Variants in IL16 observed in about 807,000 individuals in gnomAD.
The protein encoded by IL16 is pro-interleukin-16.
IL16 carries 67 observed loss-of-function variants against 110.1 expected under a neutral mutation model. The ratio of observed to expected loss-of-function variants is 0.61; its 90% CI spans 0.50 to 0.75. IL16 has a LOEUF of 0.75. Among genes scored for constraint, IL16 ranks in the 30% least tolerant of loss-of-function variants. The probability of loss-of-function intolerance (pLI) is 0.00; values close to 1 mark genes in which losing one functional copy is unlikely to be tolerated. For synonymous variants in IL16, 689 were observed against 662.9 expected, an observed-to-expected ratio of 1.04 and a Z score of -0.61; for missense variants, 1,545 against 1,655.0, an observed-to-expected ratio of 0.93 and a Z score of 1.15.
intron 1 of IL16, among the ~76,000 whole-genome samples, chr15:81,222,407 CT>C (rs1185195282): frequency 1.2e-4 from 18 of 144,552 alleles, no homozygotes; most frequent in African/African-American, 4.3e-4. Context: ...AAAAGAAAGT[CT>C]TTTGGTTTGC....
Position 81,292,957 on chromosome 15 carries a change from G to T in IL16, c.1822G>T (p.Asp608Tyr). 1.9e-6 allele frequency: 3 copies of T among 1,614,126 alleles called. No homozygotes were observed. The highest frequency in any genetic ancestry group is 2.5e-6 in the Non-Finnish European group (3 of 1,180,032). The change falls in exon 12 of 19, where the codon GAC becomes TAC. Residue 608 changes from aspartate to tyrosine, a missense_variant. By Grantham distance (160) the Asp-to-Tyr change is radical (BLOSUM62 -3). Coordinates refer to ENST00000683961, the MANE Select transcript of IL16 (RefSeq NM_172217.5). ...KPPPRKYFKS[D>Y]SDPQKSLEER... ...TCCACCCAGAAAATACTTTAAAAGT[G>T]ACAGTGACCCTCAGAAGAGTCTGGA...
intron 3 of IL16, among the ~76,000 whole-genome samples, chr15:81,262,259 G>A (rs865896695): frequency 5.3e-5 from 8 of 152,046 alleles, no homozygotes; most frequent in South Asian, 4.2e-4. Flanking sequence ...TCTCCAGTTC[G>A]TTGCTTTTAT....
intron 2 of IL16, among the ~76,000 whole-genome samples, chr15:81,258,382 A>C (rs766528277): frequency 7.2e-4 from 109 of 152,200 alleles, no homozygotes; most frequent in Non-Finnish European, 1.8e-4. Flanking sequence ...TATTTTCTAA[A>C]TTATTAGTAT....
chr15:81,251,594 A>T (rs1897771346), intron 2 of IL16, among the ~76,000 whole-genome samples: 1 of 152,196 alleles, frequency 6.6e-6, no homozygotes, highest in African/African-American at 2.4e-5. Flanking sequence ...TTGTCCAGTT[A>T]GTTTCTATAA....
Position 81,303,523 on chromosome 15 carries a change from T to G in IL16, c.3319-26T>G. ...GTTCATCCTCTTGCAGTAAAATGTTTTTGAATGTATGTATTTCCTCTGCAG... is the reference window on the plus strand; with the variant it reads ...GTTCATCCTCTTGCAGTAAAATGTTGTTGAATGTATGTATTTCCTCTGCAG... On this transcript the variant is annotated intron_variant, in intron 15 of 18. Transcript: ENST00000683961. The surrounding 1 kb of genome is among the most constrained non-coding windows in gnomAD (Gnocchi z 4.1). 2.7e-6 allele frequency: 4 copies of G among 1,459,170 alleles called. No individual in the cohort carries two copies. The highest frequency in any genetic ancestry group is 3.9e-6 in the Non-Finnish European group (4 of 1,038,858). The allele number at this position is 1,459,170 out of a possible 1,614,324, so 90.4% of individuals were successfully genotyped here. A position where few individuals can be genotyped will look rare whatever the true frequency, so the allele number is the denominator to read the frequency against.
At chr15:81,272,977 T>C in intron 5 of IL16, 113 bp from the exon 6 acceptor site, 1 of 722,110 alleles carries the variant, frequency 1.4e-6, no homozygotes, top group Non-Finnish European at 2.4e-6. Context: ...AAAGGCACCT[T>C]CTCTCCTTCC....
At chr15:81,246,853 T>C (rs995785671) in intron 2 of IL16, among the ~76,000 whole-genome samples, 4 of 152,152 alleles carry the variant, frequency 2.6e-5, no homozygotes, top group Non-Finnish European at 4.4e-5. Flanking sequence ...AAAACCACTC[T>C]GTTTCTTTAA....
chr15:81,247,093 T>TTTTTTTTTTTTTTTG (rs1897587717), intron 2 of IL16, among the ~76,000 whole-genome samples: 1 of 148,600 alleles, frequency 6.7e-6, no homozygotes, highest in Non-Finnish European at 1.5e-5. Flanking sequence ...TTTTTTTTTT[T>TTTTTTTTTTTTTTTG]TTTGATCTTG....
intron 1 of IL16, among the ~76,000 whole-genome samples, chr15:81,207,258 A>C (rs1018033461): frequency 2.6e-5 from 4 of 151,134 alleles, no homozygotes; most frequent in Non-Finnish European, 4.4e-5. Context: ...AAAAAAAAAA[A>C]AAACAAAAAA....
intron 16 of IL16, among the ~76,000 whole-genome samples, chr15:81,304,459 G>C (rs879386225): frequency 1.8e-4 from 27 of 152,292 alleles, no homozygotes; most frequent in Admixed American, 5.2e-4. Context: ...AAACTAGGAG[G>C]AAGGCGCACA....
chr15:81,206,301 A>G (rs1336455267), intron 1 of IL16, among the ~76,000 whole-genome samples: 1 of 152,308 alleles, frequency 6.6e-6, no homozygotes, highest in South Asian at 2.1e-4. Flanking sequence ...CTTCTAGTCT[A>G]CAAGCCTGTA....
chr15:81,263,819 G>T (rs897768774), intron 3 of IL16, among the ~76,000 whole-genome samples: 1 of 152,214 alleles, frequency 6.6e-6, no homozygotes, highest in African/African-American at 2.4e-5. Flanking sequence ...CACTGCTGTG[G>T]ATGGAGAGAA....
chr15:81,295,205 C>A, intron 12 of IL16: 1 of 182,802 alleles, frequency 5.5e-6, no homozygotes, highest in Non-Finnish European at 1.1e-5. Context: ...AACGTACTTT[C>A]TCCCCACTAT....
In IL16 at chr15:81,303,531, T is replaced by C. The variant is rs1900399502; in HGVS notation, c.3319-18T>C. ...TCTTGCAGTAAAATGTTTTTGAATG[T>C]ATGTATTTCCTCTGCAGCAATTAGA... On this transcript the variant is annotated intron_variant, in intron 15 of 18. Transcript: ENST00000683961. The surrounding 1 kb of genome is among the most constrained non-coding windows in gnomAD (Gnocchi z 4.1). The C allele has an allele frequency of 6.6e-7, 1 of 1,509,330 alleles. No homozygotes were observed. The highest frequency in any genetic ancestry group is 1.4e-5 in the African/African-American group (1 of 73,006). The allele number at this position is 1,509,330 out of a possible 1,614,324, so 93.5% of individuals were successfully genotyped here. A position where few individuals can be genotyped will look rare whatever the true frequency, so the allele number is the denominator to read the frequency against.
At chr15:81,248,517 C>A (rs1364043664) in intron 2 of IL16, among the ~76,000 whole-genome samples, 2 of 149,344 alleles carry the variant, frequency 1.3e-5, no homozygotes, top group Non-Finnish European at 3.0e-5. Context: ...TAAAAATTAT[C>A]TTTAAAATTA....
chr15:81,257,679 T>C (rs1454180729), intron 2 of IL16, among the ~76,000 whole-genome samples: 1 of 152,228 alleles, frequency 6.6e-6, no homozygotes, highest in Non-Finnish European at 1.5e-5. Flanking sequence ...ATCCTCCCTC[T>C]GCTCTGGAAA....
chr15:81,279,695 C>T lies in IL16; in HGVS notation c.1002C>T (p.Phe334=), dbSNP rs373482725. 38 of 1,614,140 alleles carry T rather than the reference C, an allele frequency of 2.4e-5. No individual in the cohort carries two copies. In the African/African-American group the frequency reaches 3.5e-4, roughly 15 times the overall value. The change falls in exon 8 of 19, where the codon TTC becomes TTT. Residue 334 remains phenylalanine, a synonymous_variant. Coordinates refer to ENST00000683961, the MANE Select transcript of IL16 (RefSeq NM_172217.5). ...STCITKDSSS[F]ALESPSAPIS... is the part of the protein sequence containing the mutation. The stretch of plus-strand genomic sequence containing the variant: ...GTATCACCAAGGACAGCAGCTCCTT[C>T]GCCTTGGAAAGCCCCTCGGCTCCCA...
At chr15:81,193,600 T>C (rs1161447471), upstream of IL16, among the ~76,000 whole-genome samples, 1 of 152,190 alleles carries the variant, frequency 6.6e-6, no homozygotes, top group Non-Finnish European at 1.5e-5. Context: ...ATGGTCTACA[T>C]GGAAGTCAGC....
At chr15:81,189,208 C>G (rs1406256247) in intron 1 of IL16, among the ~76,000 whole-genome samples, 2 of 151,568 alleles carry the variant, frequency 1.3e-5, no homozygotes, top group East Asian at 3.9e-4. Context: ...ACTGCAACCT[C>G]CACCTCCTGG....
Sources: gnomAD v4.1 joint callset for allele counts (sites outside exome capture counted in the v4.1 genomes callset) on GRCh38, gnomAD v4.1.1 for gene constraint, Gnocchi (gnomAD v3.1) non-coding constraint, MANE v1.5 for transcripts, NCBI Gene and HGNC (gene_info 2026-07-23, HGNC 2026-07-21) for gene names.